The following ATXN7 variants were observed in gnomAD, a reference collection of about 807,000 sequenced individuals.
The protein encoded by ATXN7 is ataxin 7.
A neutral mutation model predicts 70.5 loss-of-function variants in ATXN7; 12 were observed. The ratio of observed to expected loss-of-function variants is 0.17; its 90% CI spans 0.11 to 0.28. ATXN7 has a LOEUF of 0.28. Ranked by LOEUF, ATXN7 falls within the 10% of genes least tolerant of loss-of-function variation. ATXN7 has a pLI of 1.00. For missense variants in ATXN7, 1,256 were observed against 1,131.7 expected, an observed-to-expected ratio of 1.11 and a Z score of -1.58; for synonymous variants, 498 against 448.7, an observed-to-expected ratio of 1.11 and a Z score of -1.39.
intron 4 of ATXN7, among the ~76,000 whole-genome samples, chr3:63,917,886 T>C (rs967414613): frequency 6.6e-6 from 1 of 152,180 alleles, no homozygotes; most frequent in East Asian, 1.9e-4. Flanking sequence ...TTCTGTGTGT[T>C]TGTGTGTTTA....
At chr3:63,945,527 G>T (rs937612223) in intron 4 of ATXN7, among the ~76,000 whole-genome samples, 1 of 152,182 alleles carries the variant, frequency 6.6e-6, no homozygotes, top group South Asian at 2.1e-4. Context: ...GTCACTAAAT[G>T]ACATAAAAGC....
At chr3:63,961,693 AC>A (rs2075135064) in intron 5 of ATXN7, among the ~76,000 whole-genome samples, 1 of 152,052 alleles carries the variant, frequency 6.6e-6, no homozygotes. Context: ...AGAGGAAAAA[AC>A]AGTTGGAAAT....
intron 4 of ATXN7, among the ~76,000 whole-genome samples, chr3:63,927,702 C>T (rs1704772842): frequency 6.6e-6 from 1 of 152,142 alleles, no homozygotes; most frequent in Non-Finnish European, 1.5e-5. Context: ...TGCTTTTTTC[C>T]AGCCTCTGAA....
intron 4 of ATXN7, among the ~76,000 whole-genome samples, chr3:63,929,742 C>A (rs962982566): frequency 6.6e-6 from 1 of 152,086 alleles, no homozygotes; most frequent in Admixed American, 6.5e-5. Flanking sequence ...CAAACAACAA[C>A]AAAGGACAGA....
At chr3:63,894,279 A>G (rs1274289518) in intron 1 of ATXN7, among the ~76,000 whole-genome samples, 1 of 152,228 alleles carries the variant, frequency 6.6e-6, no homozygotes, top group Non-Finnish European at 1.5e-5. Context: ...CAGAGAAACC[A>G]GGAGTTTGGA....
chr3:63,962,766 A>T (rs2075151682), intron 5 of ATXN7, among the ~76,000 whole-genome samples: 4 of 152,078 alleles, frequency 2.6e-5, no homozygotes, highest in Admixed American at 2.6e-4. Context: ...TATTTTGCCA[A>T]AGTGGCTAAT....
chr3:63,920,363 A>G (rs754488960), intron 4 of ATXN7, among the ~76,000 whole-genome samples: 17 of 152,198 alleles, frequency 1.1e-4, no homozygotes, highest in Non-Finnish European at 2.1e-4. Flanking sequence ...TTTACAGATG[A>G]GGAAACTACG....
intron 1 of ATXN7, chr3:63,873,903 G>A (rs1484553094): frequency 6.6e-6 from 1 of 151,948 alleles, no homozygotes; most frequent in East Asian, 1.9e-4. Flanking sequence ...TAGAGACTGT[G>A]TTATCTAGAC....
At chr3:63,907,077 T>C (rs1393827590) in intron 2 of ATXN7, among the ~76,000 whole-genome samples, 2 of 152,242 alleles carry the variant, frequency 1.3e-5, no homozygotes, top group African/African-American at 4.8e-5. Flanking sequence ...ATGGTGCTAA[T>C]AGTAATAGCT....
At chr3:63,896,967 T>C (rs531417278) in intron 1 of ATXN7, among the ~76,000 whole-genome samples, 1 of 152,338 alleles carries the variant, frequency 6.6e-6, no homozygotes, top group African/African-American at 2.4e-5. Context: ...GTGCAGAGTC[T>C]AATCTGATGC....
At chr3:63,924,472 G>A (rs1186242886) in intron 4 of ATXN7, among the ~76,000 whole-genome samples, 3 of 152,142 alleles carry the variant, frequency 2.0e-5, no homozygotes, top group Non-Finnish European at 4.4e-5. Flanking sequence ...ATCCATTAGG[G>A]CCAAGGGCTG....
chr3:63,984,467 A>G (rs1226231148), intron 8 of ATXN7, among the ~76,000 whole-genome samples: 1 of 152,176 alleles, frequency 6.6e-6, no homozygotes, highest in Admixed American at 6.5e-5. Flanking sequence ...GCTGTCCCTA[A>G]GAGAATGTGT....
At position 63,912,684 on chromosome 3, in the gene ATXN7, G is replaced by GCA; in HGVS notation, c.86_87insCA (p.Gln30SerfsTer61). The GCA allele has an allele frequency of 9.2e-7, 1 of 1,086,974 alleles. No individual in the cohort carries two copies. Among genetic ancestry groups the GCA allele is most frequent in the Non-Finnish European group, 1.1e-6 (1 of 892,730 alleles). 67.3% of individuals were successfully genotyped at this position (1,086,974 alleles called of 1,614,324 possible). A position where few individuals can be genotyped will look rare whatever the true frequency, so the allele number is the denominator to read the frequency against. ...GGCGGAGCAGCGGCCGCGGCCGCCCGGCAGCAGCAGCAGCAGCAGCAGCAG... is the reference window on the plus strand; with the variant it reads ...GGCGGAGCAGCGGCCGCGGCCGCCCGCAGCAGCAGCAGCAGCAGCAGCAGCAG... On this transcript the variant is annotated frameshift_variant, in exon 3 of 13. Transcript: ENST00000674280. LOFTEE classifies it high-confidence loss of function.
Position 63,982,278 on chromosome 3 carries a change from T to G in ATXN7, c.845T>G (p.Val282Gly). 6.2e-7 allele frequency: 1 copy of G among 1,614,200 alleles called. No homozygotes were observed. Among genetic ancestry groups the G allele is most frequent in the African/African-American group, 1.3e-5 (1 of 75,032 alleles). The change falls in exon 7 of 13, where the codon GTG (valine) becomes GGG (glycine). Residue 282 changes from valine to glycine, a missense_variant. Coordinates refer to ENST00000674280, the MANE Select transcript of ATXN7 (RefSeq NM_001377405.1). ...SAVGPTCPAT[V>G]SSLVKPGLNC... is the part of the protein sequence containing the mutation. ...GTGGGGCCAACCTGTCCTGCTACTG[T>G]GAGTTCCTTAGTCAAGCCTGGCCTT...
intron 4 of ATXN7, among the ~76,000 whole-genome samples, chr3:63,941,203 A>C (rs2107362957): frequency 6.6e-6 from 1 of 151,636 alleles, no homozygotes; most frequent in East Asian, 1.9e-4. Context: ...TATTAGGAAT[A>C]TTTTCATCTT....
At chr3:63,934,341 C>A (rs1281098545) in intron 4 of ATXN7, among the ~76,000 whole-genome samples, 1 of 152,104 alleles carries the variant, frequency 6.6e-6, no homozygotes, top group Non-Finnish European at 1.5e-5. Context: ...AGGGAAAGAA[C>A]TGCTGGTTTT....
intron 5 of ATXN7, among the ~76,000 whole-genome samples, chr3:63,952,835 C>CTTTTTT (rs59256288): frequency 0.027 from 1,337 of 49,110 alleles, 296 homozygotes; most frequent in East Asian, 0.086. Context: ...ATGCATGGGC[C>CTTTTTT]TTTTTTTTTT....
At chr3:63,975,494 G>A (rs1216786715) in intron 5 of ATXN7, among the ~76,000 whole-genome samples, 1 of 152,152 alleles carries the variant, frequency 6.6e-6, no homozygotes, top group Non-Finnish European at 1.5e-5. Flanking sequence ...ATGAATGTTA[G>A]CATTTGGAGT....
intron 5 of ATXN7, chr3:63,967,947 T>TTC (rs1323040490): frequency 1.2e-5 from 19 of 1,535,928 alleles, no homozygotes; most frequent in Non-Finnish European, 1.4e-5. Context: ...AAAGCAGCCC[T>TTC]TCTGCGCAGG....
Sources: allele counts gnomAD v4.1 joint callset (sites outside exome capture counted in the v4.1 genomes callset), GRCh38; gene constraint gnomAD v4.1.1; transcripts MANE v1.5; gene names NCBI Gene and HGNC (gene_info 2026-07-23, HGNC 2026-07-21).